The following NCKAP1 variants were observed in gnomAD, a reference collection of about 807,000 sequenced individuals.
NCKAP1 encodes nck-associated protein 1.
Under a neutral mutation model 151.2 loss-of-function variants are expected in NCKAP1, and 21 were observed. The observed-to-expected ratio is 0.14, with a 90% CI of 0.10 to 0.20. The LOEUF (loss-of-function observed/expected upper bound fraction) is 0.20, where lower values mean the gene tolerates loss of function less well. NCKAP1 is among the 10% of genes least tolerant of loss of function. The pLI is 1.00. For missense variants in NCKAP1, 933 were observed against 1,352.1 expected (o/e 0.69, Z 4.86); for synonymous variants, 484 against 451.8 (o/e 1.07, Z -0.90).
chr2:183,003,055 C>A, intron 3 of NCKAP1, 25 bp from the exon 4 acceptor site: 5 of 1,580,142 alleles, frequency 3.2e-6, no homozygotes, highest in Non-Finnish European at 4.3e-6. Flanking sequence ...TTATTTTAAT[C>A]TTTTATCTGT....
In NCKAP1 at chr2:183,014,111, C is replaced by T. The variant is rs546593803; in HGVS notation, c.219+9695G>A. 1.1e-4 allele frequency among the ~76,000 whole-genome samples: 16 copies of T among 152,250 alleles called. No individual in the cohort carries two copies. In the South Asian group the frequency reaches 3.3e-3, roughly 32 times the overall value. ...TTGTTCATTATTTATTTCTGTTCAA[C>T]ATAATATAAGCTCTGTAAGAACAGA... On this transcript the variant is annotated intron_variant, in intron 2 of 30. Transcript: ENST00000361354.
intron 29 of NCKAP1, 90 bp from the exon 30 acceptor site, chr2:182,926,995 T>G (rs1279486501): frequency 1.2e-6 from 1 of 821,718 alleles, no homozygotes; most frequent in South Asian, 1.6e-5. Flanking sequence ...CCAACACATT[T>G]CAATCATTCA....
intron 26 of NCKAP1, among the ~76,000 whole-genome samples, chr2:182,932,292 T>TA (rs1163318856): frequency 3.3e-5 from 5 of 152,070 alleles, no homozygotes; most frequent in Admixed American, 6.6e-5. Flanking sequence ...CAACAATCAT[T>TA]AAAAAAAGTA....
At chr2:182,973,966 T>C (rs945267008) in intron 15 of NCKAP1, among the ~76,000 whole-genome samples, 1 of 152,176 alleles carries the variant, frequency 6.6e-6, no homozygotes, top group African/African-American at 2.4e-5. Flanking sequence ...ATTTTTTACA[T>C]TTTTTATGCT....
At chr2:182,988,087 G>C (rs2105860693) in intron 9 of NCKAP1, among the ~76,000 whole-genome samples, 1 of 152,236 alleles carries the variant, frequency 6.6e-6, no homozygotes, top group Admixed American at 6.5e-5. Context: ...GGGAAGAAAA[G>C]GGCAGATTCC....
chr2:182,992,187 C>T (rs1263718738), intron 8 of NCKAP1, among the ~76,000 whole-genome samples: 1 of 152,166 alleles, frequency 6.6e-6, no homozygotes, highest in Non-Finnish European at 1.5e-5. Context: ...AGAAAGTAGA[C>T]TACCTATTGA....
Position 182,913,874 on chromosome 2 carries a change from C to T in NCKAP1, c.*11828G>A, listed in dbSNP as rs753528582. ...TCTGCCCCCACAGCCTGTGGAAATA[C>T]AGGAAACTTCACAATGGTGCACAGT... On this transcript the variant is annotated 3_prime_UTR_variant, in exon 31 of 31. Transcript: ENST00000361354. The T allele has an allele frequency of 2.0e-5, 3 of 152,262 alleles. No individual in the cohort carries two copies. The highest frequency in any genetic ancestry group is 4.4e-5 in the Non-Finnish European group (3 of 68,088). The allele number at this position is 152,262 out of a possible 1,614,324, so 9.4% of individuals were successfully genotyped here.
chr2:182,959,639 T>C (rs948177469), intron 18 of NCKAP1, among the ~76,000 whole-genome samples: 1 of 152,122 alleles, frequency 6.6e-6, no homozygotes, highest in African/African-American at 2.4e-5. Context: ...TTATACTGAA[T>C]GGGCAAAAAC....
At chr2:182,935,802 GAA>G (rs1268826866) in intron 24 of NCKAP1, among the ~76,000 whole-genome samples, 1 of 152,092 alleles carries the variant, frequency 6.6e-6, no homozygotes, top group Non-Finnish European at 1.5e-5. Context: ...AGCGGCCCAG[GAA>G]CTCAGCAGTG....
At chr2:183,021,555 G>A (rs545535974) in intron 2 of NCKAP1, among the ~76,000 whole-genome samples, 1 of 152,296 alleles carries the variant, frequency 6.6e-6, no homozygotes, top group South Asian at 2.1e-4. Flanking sequence ...GTGTTACAGT[G>A]AGCTATGATG....
At chr2:183,007,061 C>T (rs986781200) in intron 2 of NCKAP1, among the ~76,000 whole-genome samples, 8 of 152,120 alleles carry the variant, frequency 5.3e-5, no homozygotes, top group Non-Finnish European at 1.0e-4. Context: ...TTAGTAGAGG[C>T]GGGGTTTCAC....
At chr2:182,977,735 T>C (rs1224946099) in intron 14 of NCKAP1, among the ~76,000 whole-genome samples, 1 of 152,144 alleles carries the variant, frequency 6.6e-6, no homozygotes, top group Non-Finnish European at 1.5e-5. Context: ...TGTTGTTCAA[T>C]AATCATTAAA....
At chr2:182,942,262 A>G (rs763679513) in intron 23 of NCKAP1, 99 bp from the exon 24 acceptor site, 34 of 825,864 alleles carry the variant, frequency 4.1e-5, no homozygotes, top group Non-Finnish European at 6.6e-5. Context: ...TAGGAAACAC[A>G]ATTCATGAAA....
chr2:182,913,606 T>C lies in NCKAP1; in HGVS notation c.*12096A>G, dbSNP rs1244492378. Reference sequence around the variant, plus strand: ...TTGTACTTCCCAGCATCTAAAATGGTAAGCAATAAATTTCTTTACTTTATA... The same window carrying C: ...TTGTACTTCCCAGCATCTAAAATGGCAAGCAATAAATTTCTTTACTTTATA... On this transcript the variant is annotated 3_prime_UTR_variant, in exon 31 of 31. Transcript: ENST00000361354. 6.6e-6 allele frequency: 1 copy of C among 152,182 alleles called. No homozygotes were observed. Among genetic ancestry groups the C allele is most frequent in the Non-Finnish European group, 1.5e-5 (1 of 68,022 alleles). The allele number at this position is 152,182 out of a possible 1,614,324, so 9.4% of individuals were successfully genotyped here.
chr2:182,961,302 A>G (rs1284238961), intron 18 of NCKAP1, among the ~76,000 whole-genome samples: 2 of 152,228 alleles, frequency 1.3e-5, no homozygotes, highest in African/African-American at 4.8e-5. Context: ...TTGCAGCACT[A>G]TTCACAATAG....
chr2:182,970,263 G>A (rs1290909399), intron 15 of NCKAP1, among the ~76,000 whole-genome samples: 1 of 152,118 alleles, frequency 6.6e-6, no homozygotes, highest in East Asian at 1.9e-4. Context: ...CATTCTATGA[G>A]GCCAGCATTA....
At chr2:182,928,283 G>A (rs1575010837) in intron 28 of NCKAP1, 57 bp from the exon 29 acceptor site, 39 of 1,228,970 alleles carry the variant, frequency 3.2e-5, no homozygotes, top group Non-Finnish European at 4.4e-5. Flanking sequence ...ATACATAGAA[G>A]GCAAATCTTT....
rs1036901601 is a variant in NCKAP1 at position 182,914,351 on chromosome 2, G to A, written c.*11351C>T. 2.0e-5 allele frequency: 3 copies of A among 152,282 alleles called. No homozygotes were observed. The highest frequency in any genetic ancestry group is 2.9e-5 in the Non-Finnish European group (2 of 68,008). The allele number at this position is 152,282 out of a possible 1,614,324, so 9.4% of individuals were successfully genotyped here. ...GGGAAGGCAAGTGGAGGGAGCTGAC[G>A]TTTTGGACTCTGGACAGATACAATA... On this transcript the variant is annotated 3_prime_UTR_variant, in exon 31 of 31. Coordinates refer to ENST00000361354, the MANE Select transcript of NCKAP1 (RefSeq NM_013436.5).
chr2:182,925,836 T>C lies in NCKAP1; in HGVS notation c.3271-18A>G. The C allele has an allele frequency of 7.2e-7, 1 of 1,387,534 alleles. No individual in the cohort carries two copies. Among genetic ancestry groups the C allele is most frequent in the Non-Finnish European group, 9.8e-7 (1 of 1,021,010 alleles). The allele number at this position is 1,387,534 out of a possible 1,614,324, so 86.0% of individuals were successfully genotyped here. On this transcript the variant is annotated intron_variant, in intron 30 of 30. Transcript: ENST00000361354. ...TGTACAATCTGTAAAATTCAAAAAATCCATCAAAACAAGTTATTTATAACT... is the reference window on the plus strand; with the variant it reads ...TGTACAATCTGTAAAATTCAAAAAACCCATCAAAACAAGTTATTTATAACT...
Sources: gnomAD v4.1 joint callset for allele counts (sites outside exome capture counted in the v4.1 genomes callset) on GRCh38, gnomAD v4.1.1 for gene constraint, MANE v1.5 for transcripts, NCBI Gene and HGNC (gene_info 2026-07-23, HGNC 2026-07-21) for gene names.